The following DAPK2 variants were observed in gnomAD, a reference collection of about 807,000 sequenced individuals.
The protein encoded by DAPK2 is death associated protein kinase 2, also known as death-associated protein kinase 2.
In DAPK2, 35 loss-of-function variants were observed where a neutral mutation model predicts 44.1. That is an observed-to-expected ratio of 0.79 (90% CI 0.61 to 1.05). The LOEUF (loss-of-function observed/expected upper bound fraction) is 1.05. Ranked by LOEUF, DAPK2 falls within the 50% of genes least tolerant of loss-of-function variation. The pLI, the probability that DAPK2 is intolerant of heterozygous loss-of-function variation, is 0.00. For synonymous variants in DAPK2, 174 were observed against 182.6 expected (o/e 0.95, Z 0.38); for missense variants, 453 against 483.2 (o/e 0.94, Z 0.59).
At chr15:63,979,518 T>C (rs1264885660) in intron 2 of DAPK2, among the ~76,000 whole-genome samples, 3 of 152,196 alleles carry the variant, frequency 2.0e-5, no homozygotes, top group Non-Finnish European at 4.4e-5. Flanking sequence ...AGGTGGATAC[T>C]AACACTTACT....
At position 63,923,885 on chromosome 15, in the gene DAPK2, G is replaced by A. The variant is rs990788586; in HGVS notation, c.858+931C>T. Among the ~76,000 whole-genome samples, 2 of 152,214 alleles carry A rather than the reference G, an allele frequency of 1.3e-5. No homozygotes were observed. The highest frequency in any genetic ancestry group is 6.5e-5 in the Admixed American group (1 of 15,284). On this transcript the variant is annotated intron_variant, in intron 8 of 10. Coordinates refer to ENST00000261891, the Ensembl canonical transcript of DAPK2. This position sits in a 1 kb window ranked among gnomAD's most constrained non-coding sequence, Gnocchi z 4.2. ...TTTTAGAGAGATGGGGTCTTGGCAT[G>A]TTGCTCAAGTTGGTCTTGAACTCCT...
At chr15:63,965,654 A>G (rs1402834673) in intron 3 of DAPK2, among the ~76,000 whole-genome samples, 1 of 152,188 alleles carries the variant, frequency 6.6e-6, no homozygotes, top group African/African-American at 2.4e-5. Flanking sequence ...CCTAGCTGGT[A>G]TCTAAGCCAG....
In DAPK2 at chr15:63,973,794, A is replaced by G. The variant is rs12907595; in HGVS notation, c.315-2233T>C. On this transcript the variant is annotated intron_variant, in intron 2 of 10. Transcript: ENST00000261891. Reference sequence around the variant, plus strand: ...GTCTGAATGGACTAAGACAGATGACAAAGCGGAACAAATGCTGTGCCAGAA... The same window carrying G: ...GTCTGAATGGACTAAGACAGATGACGAAGCGGAACAAATGCTGTGCCAGAA... Among the ~76,000 whole-genome samples the G allele has an allele frequency of 3.0e-3, 453 of 152,326 alleles. 1 individual carries two copies. The highest frequency in any genetic ancestry group is 4.7e-3 in the Non-Finnish European group (322 of 68,028).
intron 1 of DAPK2, among the ~76,000 whole-genome samples, chr15:64,034,518 A>T (rs1423445937): frequency 6.6e-6 from 1 of 152,188 alleles, no homozygotes; most frequent in Non-Finnish European, 1.5e-5. Context: ...AGCCTCCTCT[A>T]AGTGGTAGCA....
At chr15:63,973,549 T>C (rs1160290605) in intron 2 of DAPK2, among the ~76,000 whole-genome samples, 1 of 152,236 alleles carries the variant, frequency 6.6e-6, no homozygotes, top group Non-Finnish European at 1.5e-5. Context: ...ACATGTTTGA[T>C]GTCATTGGTT....
intron 1 of DAPK2, among the ~76,000 whole-genome samples, chr15:64,027,153 C>T (rs1183378939): frequency 6.6e-6 from 1 of 152,106 alleles, no homozygotes; most frequent in Non-Finnish European, 1.5e-5. Flanking sequence ...GAGGCCAAGG[C>T]AGGTGGGTCA....
chr15:64,004,651 G>T (rs753036036), intron 1 of DAPK2, among the ~76,000 whole-genome samples: 2 of 152,176 alleles, frequency 1.3e-5, no homozygotes, highest in South Asian at 2.1e-4. Context: ...GGCTGGTTTG[G>T]TGGGGTCTTT....
At position 63,983,757 on chromosome 15, in the gene DAPK2, G is replaced by C. The variant is rs1479399440; in HGVS notation, c.93-3C>G. ...TCTTCACGATGGCAAACTGGCCACT[G>C]TGGGGACACAGACCCACAAGATTAG... On this transcript the variant is annotated splice_region_variant and splice_polypyrimidine_tract_variant and intron_variant, in intron 1 of 10. Transcript: ENST00000261891. 6.2e-7 allele frequency: 1 copy of C among 1,609,864 alleles called. No individual in the cohort carries two copies. The highest frequency in any genetic ancestry group is 8.5e-7 in the Non-Finnish European group (1 of 1,179,814).
At chr15:63,997,653 C>G (rs1259558060) in intron 1 of DAPK2, among the ~76,000 whole-genome samples, 1 of 152,082 alleles carries the variant, frequency 6.6e-6, no homozygotes, top group Non-Finnish European at 1.5e-5. Context: ...TAAAATGGAC[C>G]CTAGCCTCTA....
In DAPK2 at chr15:63,923,142, C is replaced by T. The variant is rs575636154; in HGVS notation, c.858+1674G>A. 138 of 1,535,872 alleles carry T rather than the reference C, an allele frequency of 9.0e-5. 1 individual carries two copies. The East Asian group carries it at 3.0e-3, about 33-fold the overall frequency. On this transcript the variant is annotated intron_variant, in intron 8 of 10. Transcript: ENST00000261891. The surrounding 1 kb of genome is among the most constrained non-coding windows in gnomAD (Gnocchi z 4.2). ...GCCTCCACATCGTCCTGGATGGTATCGTGGGCCTCCACCAGGGCACGGCAT... is the reference window on the plus strand; with the variant it reads ...GCCTCCACATCGTCCTGGATGGTATTGTGGGCCTCCACCAGGGCACGGCAT...
chr15:63,944,419 A>G (rs1166128808), intron 3 of DAPK2, among the ~76,000 whole-genome samples: 1 of 152,094 alleles, frequency 6.6e-6, no homozygotes, highest in Non-Finnish European at 1.5e-5. Flanking sequence ...GGGCCCCTAA[A>G]CCTGAAGCTC....
chr15:64,003,886 T>C (rs889433846), intron 1 of DAPK2, among the ~76,000 whole-genome samples: 13 of 152,266 alleles, frequency 8.5e-5, no homozygotes, highest in Admixed American at 3.3e-4. Flanking sequence ...ATTACAGGCA[T>C]GGGCCATGGC....
chr15:63,956,240 C>T (rs1435357736), intron 3 of DAPK2, among the ~76,000 whole-genome samples: 1 of 152,086 alleles, frequency 6.6e-6, no homozygotes, highest in East Asian at 1.9e-4. Context: ...AAAAAACCAA[C>T]TTTTTTGTTT....
chr15:63,996,493 T>C (rs896938659), intron 1 of DAPK2, among the ~76,000 whole-genome samples: 1 of 152,154 alleles, frequency 6.6e-6, no homozygotes, highest in Non-Finnish European at 1.5e-5. Flanking sequence ...ACCCGGGCCT[T>C]ATTACACATT....
chr15:63,951,758 G>A (rs2077594107), intron 3 of DAPK2, among the ~76,000 whole-genome samples: 2 of 152,180 alleles, frequency 1.3e-5, no homozygotes, highest in Non-Finnish European at 1.5e-5. Flanking sequence ...AAATCCACCT[G>A]CAATCTCTTC....
chr15:63,912,268 C>A lies in DAPK2; in HGVS notation c.859-71G>T. The A allele has an allele frequency of 6.7e-7, 1 of 1,498,276 alleles. No individual in the cohort carries two copies. Among genetic ancestry groups the A allele is most frequent in the Non-Finnish European group, 9.2e-7 (1 of 1,086,710 alleles). 92.8% of individuals were successfully genotyped at this position (1,498,276 alleles called of 1,614,324 possible). A position where few individuals can be genotyped will look rare whatever the true frequency, so the allele number is the denominator to read the frequency against. Reference sequence around the variant, plus strand: ...AGCAGCCACCCTCCTCGCCGCAGAACTCCCCACCCACCGCATGCCCACCGC... The same window carrying A: ...AGCAGCCACCCTCCTCGCCGCAGAAATCCCCACCCACCGCATGCCCACCGC... On this transcript the variant is annotated intron_variant, in intron 8 of 10. Transcript: ENST00000261891. This position sits in a 1 kb window ranked among gnomAD's most constrained non-coding sequence, Gnocchi z 4.4.
intron 10 of DAPK2, chr15:63,910,602 G>A (rs2078761300): frequency 6.6e-6 from 1 of 152,276 alleles, no homozygotes; most frequent in Non-Finnish European, 1.5e-5. Flanking sequence ...ATGCAGTAGT[G>A]TGATCATAAT....
rs116006964 is a variant in DAPK2, at chr15:64,000,357, G to A, written c.93-16603C>T. 6.1e-3 allele frequency among the ~76,000 whole-genome samples: 923 copies of A among 152,182 alleles called. 19 individuals carry two copies. Among genetic ancestry groups the A allele is most frequent in the African/African-American group, 0.022 (896 of 41,522 alleles). On this transcript the variant is annotated intron_variant, in intron 1 of 10. Transcript: ENST00000261891. ...GAAACCTTTCTCCCTGAACAAATAC[G>A]TGCACCAAGCATACCTGGACTTTGT...
intron 8 of DAPK2, among the ~76,000 whole-genome samples, chr15:63,924,319 C>T (rs747336652): frequency 7.2e-5 from 11 of 152,168 alleles, no homozygotes; most frequent in Non-Finnish European, 1.3e-4. Flanking sequence ...CTCTCTTCCC[C>T]ACCAGGCCTC....
Sources: allele counts gnomAD v4.1 joint callset (sites outside exome capture counted in the v4.1 genomes callset), GRCh38; gene constraint gnomAD v4.1.1; non-coding constraint Gnocchi (gnomAD v3.1); transcripts MANE v1.5; gene names NCBI Gene and HGNC (gene_info 2026-07-23, HGNC 2026-07-21).